The following GRID1 variants were observed in gnomAD, a reference collection of about 807,000 sequenced individuals.
GRID1 encodes glutamate receptor ionotropic, delta-1.
In GRID1, 28 loss-of-function variants were observed where a neutral mutation model predicts 98.0. The observed-to-expected ratio is 0.29, with a 90% CI of 0.21 to 0.39. The LOEUF is 0.39. GRID1 is among the 10% of genes least tolerant of loss of function. The pLI is 1.00. For synonymous variants in GRID1, 553 were observed against 538.5 expected (o/e 1.03, Z -0.37); for missense variants, 1,111 against 1,340.5 (o/e 0.83, Z 2.67).
intron 5 of GRID1, among the ~76,000 whole-genome samples, chr10:85,897,820 CT>C (rs965376658): frequency 6.6e-6 from 1 of 152,074 alleles, no homozygotes; most frequent in African/African-American, 2.4e-5. Context: ...AATAGATCCC[CT>C]GAACTGGTAA....
chr10:85,768,107 C>T (rs1012822666), intron 8 of GRID1, among the ~76,000 whole-genome samples: 2 of 152,052 alleles, frequency 1.3e-5, no homozygotes, highest in Admixed American at 6.6e-5. Flanking sequence ...GAGCTAAAAT[C>T]GATTAAAAGG....
intron 5 of GRID1, among the ~76,000 whole-genome samples, chr10:85,890,085 T>C (rs1234426962): frequency 6.6e-6 from 1 of 152,130 alleles, no homozygotes; most frequent in African/African-American, 2.4e-5. Flanking sequence ...TGATATAGTA[T>C]ATTATTGTTA....
intron 4 of GRID1, among the ~76,000 whole-genome samples, chr10:86,130,805 A>G (rs890935588): frequency 3.3e-5 from 5 of 152,210 alleles, no homozygotes; most frequent in Non-Finnish European, 7.4e-5. Context: ...CCATCTGCAG[A>G]TGGCAGGAGC....
At chr10:86,045,033 C>T (rs1332619315) in intron 4 of GRID1, among the ~76,000 whole-genome samples, 2 of 152,206 alleles carry the variant, frequency 1.3e-5, no homozygotes, top group Non-Finnish European at 2.9e-5. Context: ...GACCACAAAT[C>T]CTTGCTCCGG....
At chr10:85,632,034 T>G (rs1163583912) in intron 13 of GRID1, among the ~76,000 whole-genome samples, 2 of 151,808 alleles carry the variant, frequency 1.3e-5, no homozygotes, top group Non-Finnish European at 1.5e-5. Flanking sequence ...AGCTTGACCA[T>G]GCATGTCCTG....
At chr10:85,771,549 C>A (rs1842267916) in intron 8 of GRID1, among the ~76,000 whole-genome samples, 3 of 152,042 alleles carry the variant, frequency 2.0e-5, no homozygotes, top group Non-Finnish European at 4.4e-5. Context: ...AGAGTCAAGA[C>A]CCATCAGTGT....
chr10:85,672,849 T>C (rs1414611521), intron 12 of GRID1, among the ~76,000 whole-genome samples: 2 of 152,232 alleles, frequency 1.3e-5, no homozygotes, highest in Non-Finnish European at 2.9e-5. Flanking sequence ...AGCCCATGGA[T>C]CAAGGTATAA....
chr10:85,857,296 G>A (rs1406707560), intron 6 of GRID1, among the ~76,000 whole-genome samples: 1 of 152,190 alleles, frequency 6.6e-6, no homozygotes, highest in Non-Finnish European at 1.5e-5. Context: ...AGAATCTAGG[G>A]TAGAAGTGTG....
At chr10:86,087,616 C>T (rs950473202) in intron 4 of GRID1, among the ~76,000 whole-genome samples, 1 of 152,066 alleles carries the variant, frequency 6.6e-6, no homozygotes, top group Non-Finnish European at 1.5e-5. Flanking sequence ...ACTGGCCACT[C>T]CTATGTGTCC....
chr10:86,024,586 T>C (rs763769657), intron 4 of GRID1, among the ~76,000 whole-genome samples: 2 of 152,182 alleles, frequency 1.3e-5, no homozygotes, highest in Non-Finnish European at 2.9e-5. Context: ...CGGGGCTCCA[T>C]AAGATGAGCA....
intron 2 of GRID1, among the ~76,000 whole-genome samples, chr10:86,225,638 G>A (rs565940716): frequency 6.6e-6 from 1 of 152,134 alleles, no homozygotes; most frequent in Admixed American, 6.5e-5. Flanking sequence ...CTGCCCTGGA[G>A]GGGGACCAAG....
chr10:85,690,925 T>C (rs936362396), intron 12 of GRID1, among the ~76,000 whole-genome samples: 1 of 152,152 alleles, frequency 6.6e-6, no homozygotes, highest in Non-Finnish European at 1.5e-5. Flanking sequence ...GTTTTCTAAT[T>C]GAATCTGGAA....
chr10:86,347,216 T>C (rs188227409), intron 2 of GRID1, among the ~76,000 whole-genome samples: 215 of 152,250 alleles, frequency 1.4e-3, no homozygotes, highest in African/African-American at 5.0e-3. Flanking sequence ...TCACCAGGTG[T>C]TGCCCTGAGG....
Position 85,634,998 on chromosome 10 carries a change from GAAAAAAAAAAAAAAAAAAAAAA to G in GRID1, c.2193+12182_2193+12203del, listed in dbSNP as rs140144576. On this transcript the variant is annotated intron_variant, in intron 13 of 15. Transcript: ENST00000327946. ...GCAAATTACAGGGCAGAGGAAATCT[GAAAAAAAAAAAAAAAAAAAAAA>G]AAAAAAAAAAAAAAATCAGATTTAA... 1.3e-3 allele frequency among the ~76,000 whole-genome samples: 46 copies of G among 35,012 alleles called. No individual in the cohort carries two copies. In the East Asian group the frequency reaches 0.041, roughly 31 times the overall value. 23.0% of individuals were successfully genotyped at this position (35,012 alleles called of 152,430 possible). A position where few individuals can be genotyped will look rare whatever the true frequency, so the allele number is the denominator to read the frequency against.
chr10:86,315,744 C>G (rs1391127758), intron 2 of GRID1, among the ~76,000 whole-genome samples: 1 of 151,966 alleles, frequency 6.6e-6, no homozygotes, highest in Non-Finnish European at 1.5e-5. Context: ...TCCAACCATC[C>G]ACCCATCCAT....
chr10:86,177,757 CGTGT>C (rs796109525), intron 3 of GRID1, among the ~76,000 whole-genome samples: 1 of 151,432 alleles, frequency 6.6e-6, no homozygotes, highest in African/African-American at 2.4e-5. Context: ...TGTGTGCGTG[CGTGT>C]GTGTGCCTGT....
chr10:85,601,793 A>T lies in GRID1; in HGVS notation c.*480T>A. On this transcript the variant is annotated 3_prime_UTR_variant, in exon 16 of 16. Coordinates refer to ENST00000327946, the MANE Select transcript of GRID1 (RefSeq NM_017551.3). ...AATGCGGGCTCCAAACTCACTCTTT[A>T]TCAAGCTGAGGGACTAAAAGGGACG... is the stretch of plus-strand genomic sequence containing the variant. 6.4e-6 allele frequency: 1 copy of T among 156,562 alleles called. No homozygotes were observed. 9.7% of individuals were successfully genotyped at this position (156,562 alleles called of 1,614,324 possible).
At chr10:86,154,353 A>T (rs1365353259) in intron 3 of GRID1, among the ~76,000 whole-genome samples, 3 of 152,046 alleles carry the variant, frequency 2.0e-5, no homozygotes, top group Non-Finnish European at 4.4e-5. Flanking sequence ...AGAGGAAAAA[A>T]CTGGGGCCTA....
At chr10:85,929,227 G>T (rs765054460) in intron 4 of GRID1, among the ~76,000 whole-genome samples, 6 of 152,144 alleles carry the variant, frequency 3.9e-5, no homozygotes, top group African/African-American at 1.4e-4. Context: ...TGTGTGCAAG[G>T]CCAGCACAGG....
Sources: gnomAD v4.1 joint callset for allele counts (sites outside exome capture counted in the v4.1 genomes callset) on GRCh38, gnomAD v4.1.1 for gene constraint, MANE v1.5 for transcripts, NCBI Gene and HGNC (gene_info 2026-07-23, HGNC 2026-07-21) for gene names.